Variants in FAM168A observed in about 807,000 individuals in gnomAD.
The protein encoded by FAM168A is protein FAM168A.
A neutral mutation model predicts 28.5 loss-of-function variants in FAM168A; 3 were observed. The observed-to-expected ratio is 0.11, with a 90% CI of 0.05 to 0.27. FAM168A has a LOEUF of 0.27. Among genes scored for constraint, FAM168A ranks in the 10% least tolerant of loss-of-function variants. The pLI, the probability that FAM168A is intolerant of heterozygous loss-of-function variation, is 1.00. For missense variants in FAM168A, 222 were observed against 311.5 expected, an observed-to-expected ratio of 0.71 and a Z score of 2.16; for synonymous variants, 122 against 124.2, an observed-to-expected ratio of 0.98 and a Z score of 0.12.
intron 1 of FAM168A, among the ~76,000 whole-genome samples, chr11:73,484,564 A>G: frequency 6.8e-6 from 1 of 146,106 alleles, no homozygotes; most frequent in Non-Finnish European, 1.5e-5. Context: ...CTATATATCT[A>G]TATATCTATA....
At chr11:73,441,062 C>CTTTT (rs368552302) in intron 2 of FAM168A, among the ~76,000 whole-genome samples, 7 of 143,144 alleles carry the variant, frequency 4.9e-5, no homozygotes, top group African/African-American at 1.8e-4. Context: ...ATCAGACAGA[C>CTTTT]TTTTTTTTTT....
chr11:73,418,457 C>A lies in FAM168A; in HGVS notation c.277+1417G>T, dbSNP rs575315496. 2.2e-3 allele frequency among the ~76,000 whole-genome samples: 331 copies of A among 152,318 alleles called. 2 individuals carry two copies. The highest frequency in any genetic ancestry group is 7.7e-3 in the African/African-American group (318 of 41,564). On this transcript the variant is annotated intron_variant, in intron 4 of 7. Transcript: ENST00000356467. ...CCAGAAGCTAAGCAGGGGTTGGTAC[C>A]ATGCTTGTGCAGCCTGCAGAACCGT... is the stretch of plus-strand genomic sequence containing the variant.
chr11:73,415,341 AAGAG>A (rs1184772837), intron 4 of FAM168A, among the ~76,000 whole-genome samples: 2 of 152,218 alleles, frequency 1.3e-5, no homozygotes, highest in Admixed American at 6.5e-5. Flanking sequence ...TAGTTGCTGA[AAGAG>A]AGAGCTGTTT....
chr11:73,437,787 A>G (rs549368835), intron 2 of FAM168A, among the ~76,000 whole-genome samples: 5 of 152,202 alleles, frequency 3.3e-5, no homozygotes, highest in African/African-American at 1.2e-4. Context: ...CTACCCTCAC[A>G]GAACATGTCT....
chr11:73,443,681 T>C (rs1222449515), intron 2 of FAM168A, among the ~76,000 whole-genome samples: 1 of 152,220 alleles, frequency 6.6e-6, no homozygotes, highest in Admixed American at 6.5e-5. Flanking sequence ...GCTTCATTTA[T>C]AGGCAGACCT....
At chr11:73,504,865 G>A (rs1466498163) in intron 1 of FAM168A, among the ~76,000 whole-genome samples, 8 of 152,172 alleles carry the variant, frequency 5.3e-5, no homozygotes, top group Admixed American at 5.2e-4. Context: ...AGACATGGAT[G>A]AACCTGGGAG....
At chr11:73,571,188 G>T (rs1944081759) in intron 1 of FAM168A, among the ~76,000 whole-genome samples, 2 of 150,254 alleles carry the variant, frequency 1.3e-5, no homozygotes, top group Non-Finnish European at 3.0e-5. Flanking sequence ...ATACACTGCA[G>T]CATTCAGATA....
Position 73,404,084 on chromosome 11 carries a change from AT to A in FAM168A, c.*2678del, listed in dbSNP as rs1170044640. ...AAATAGGAGAAATAACCTCTATTTC[AT>A]CGGGTTAAACCAGATAATTTATGTT... On this transcript the variant is annotated 3_prime_UTR_variant, in exon 8 of 8. Coordinates refer to ENST00000356467, the MANE Select transcript of FAM168A (RefSeq NM_015159.3). 4.0e-4 allele frequency: 61 copies of A among 152,358 alleles called. 1 individual carries two copies. The highest frequency in any genetic ancestry group is 1.4e-3 in the African/African-American group (60 of 41,572). 9.4% of individuals were successfully genotyped at this position (152,358 alleles called of 1,614,324 possible).
intron 3 of FAM168A, chr11:73,420,909 AAGG>A (rs1017050612): frequency 4.6e-5 from 7 of 152,718 alleles, no homozygotes; most frequent in Admixed American, 2.6e-4. Context: ...GTCCTGAGGG[AAGG>A]AGAAGAGAAA....
intron 1 of FAM168A, among the ~76,000 whole-genome samples, chr11:73,540,228 T>C (rs545319073): frequency 2.6e-5 from 4 of 152,312 alleles, no homozygotes; most frequent in African/African-American, 9.6e-5. Context: ...ACTGATTTGA[T>C]AAAAGTAGAA....
intron 1 of FAM168A, among the ~76,000 whole-genome samples, chr11:73,529,874 C>A (rs962723563): frequency 6.8e-6 from 1 of 148,034 alleles, no homozygotes; most frequent in Non-Finnish European, 1.5e-5. Flanking sequence ...GAAACCTCCA[C>A]CTCCTGGGTT....
At chr11:73,545,301 C>T (rs988989422) in intron 1 of FAM168A, among the ~76,000 whole-genome samples, 2 of 151,362 alleles carry the variant, frequency 1.3e-5, no homozygotes, top group Non-Finnish European at 2.9e-5. Context: ...GCTGGAATTA[C>T]AGACGTGAGC....
chr11:73,563,027 CTCTG>C (rs1297983620), intron 1 of FAM168A, among the ~76,000 whole-genome samples: 1 of 152,140 alleles, frequency 6.6e-6, no homozygotes, highest in Non-Finnish European at 1.5e-5. Context: ...TGCTACTACT[CTCTG>C]TATCTTTTAT....
intron 2 of FAM168A, among the ~76,000 whole-genome samples, chr11:73,447,981 C>T (rs1214108124): frequency 6.6e-6 from 1 of 152,200 alleles, no homozygotes; most frequent in Non-Finnish European, 1.5e-5. Flanking sequence ...AATCACTTTG[C>T]AGAGTTGAGA....
chr11:73,591,684 G>T (rs1944383631), intron 1 of FAM168A, among the ~76,000 whole-genome samples: 1 of 152,064 alleles, frequency 6.6e-6, no homozygotes, highest in Admixed American at 6.6e-5. Flanking sequence ...TAATATTTTT[G>T]TTTTTTGTAG....
chr11:73,577,358 T>C (rs932845959), intron 1 of FAM168A, among the ~76,000 whole-genome samples: 1 of 152,364 alleles, frequency 6.6e-6, no homozygotes. Context: ...GACTTTAAAA[T>C]GGAAGCACTT....
At chr11:73,547,228 G>A (rs1036057236) in intron 1 of FAM168A, among the ~76,000 whole-genome samples, 1 of 151,600 alleles carries the variant, frequency 6.6e-6, no homozygotes, top group African/African-American at 2.4e-5. Context: ...AAGGAAAAAA[G>A]AAGAAATACA....
At position 73,523,635 on chromosome 11, in the gene FAM168A, G is replaced by A. The variant is rs116851121; in HGVS notation, c.-18-55143C>T. Among the ~76,000 whole-genome samples, 892 of 151,824 alleles carry A rather than the reference G, an allele frequency of 5.9e-3. 8 individuals carry two copies. Among genetic ancestry groups the A allele is most frequent in the Middle Eastern group, 0.027 (8 of 292 alleles). ...TTAATTTTTCTGTTTTTGTAGGGACGGGGTTTCGCCACGTTGCCCAGGCTG... is the reference window on the plus strand; with the variant it reads ...TTAATTTTTCTGTTTTTGTAGGGACAGGGTTTCGCCACGTTGCCCAGGCTG... On this transcript the variant is annotated intron_variant, in intron 1 of 7. Coordinates refer to ENST00000356467, the MANE Select transcript of FAM168A (RefSeq NM_015159.3).
At chr11:73,447,013 C>T (rs1045663743) in intron 2 of FAM168A, among the ~76,000 whole-genome samples, 5 of 152,192 alleles carry the variant, frequency 3.3e-5, no homozygotes, top group African/African-American at 4.8e-5. Context: ...CTTGCCACGC[C>T]GGGTCTGGCA....
Sources: allele counts gnomAD v4.1 joint callset (sites outside exome capture counted in the v4.1 genomes callset), GRCh38; gene constraint gnomAD v4.1.1; transcripts MANE v1.5; gene names NCBI Gene and HGNC (gene_info 2026-07-23, HGNC 2026-07-21).